Variants in RICTOR observed in about 807,000 individuals in gnomAD.
RICTOR encodes RPTOR independent companion of MTOR complex 2, also known as rapamycin-insensitive companion of mTOR.
Under a neutral mutation model 214.9 loss-of-function variants are expected in RICTOR, and 49 were observed. The observed-to-expected ratio is 0.23, with a 90% CI of 0.18 to 0.29. The LOEUF (loss-of-function observed/expected upper bound fraction) is 0.29, where lower values mean the gene tolerates loss of function less well. RICTOR is among the 10% of genes least tolerant of loss of function. The pLI is 1.00. For missense variants in RICTOR, 1,625 were observed against 2,047.0 expected (o/e 0.79, Z 3.98); for synonymous variants, 717 against 711.3 (o/e 1.01, Z -0.13).
chr5:38,958,402 C>T (rs2150013824), intron 24 of RICTOR, 41 bp downstream of exon 24: 1 of 1,326,208 alleles, frequency 7.5e-7, no homozygotes, highest in Middle Eastern at 1.8e-4. Flanking sequence ...TGCCAAAGAA[C>T]ACAACAAAAA....
chr5:38,938,248 G>A lies in RICTOR; in HGVS notation c.*4056C>T, dbSNP rs1223583525. 1 of 226,386 alleles carries A rather than the reference G, an allele frequency of 4.4e-6. No homozygotes were observed. Among genetic ancestry groups the A allele is most frequent in the Non-Finnish European group, 8.8e-6 (1 of 113,688 alleles). 14.0% of individuals were successfully genotyped at this position (226,386 alleles called of 1,614,324 possible). On this transcript the variant is annotated 3_prime_UTR_variant, in exon 38 of 38. Transcript: ENST00000357387. ...TAGCAGCGTATTACTAAATAAAAAAGAAGAAACTCATGTGGTTAGAGAGCA... is the reference window on the plus strand; with the variant it reads ...TAGCAGCGTATTACTAAATAAAAAAAAAGAAACTCATGTGGTTAGAGAGCA...
At chr5:38,990,830 TATGAG>T (rs1644117697) in intron 7 of RICTOR, 114 bp downstream of exon 7, 2 of 145,446 alleles carry the variant, frequency 1.4e-5, no homozygotes, top group African/African-American at 2.4e-4. Context: ...ATATATGATA[TATGAG>T]ATATATGAGA....
intron 24 of RICTOR, 136 bp downstream of exon 24, chr5:38,958,307 T>A: frequency 3.2e-6 from 2 of 628,600 alleles, no homozygotes; most frequent in South Asian, 2.2e-5. Context: ...AAACCCAAAA[T>A]AATGAAAAGA....
Position 38,950,047 on chromosome 5 carries a change from G to A in RICTOR, c.3801C>T (p.Ser1267=), listed in dbSNP as rs2112850471. 6.2e-7 allele frequency: 1 copy of A among 1,613,112 alleles called. No individual in the cohort carries two copies. The highest frequency in any genetic ancestry group is 8.5e-7 in the Non-Finnish European group (1 of 1,179,500). ...TVVSTKTIKT[S]HYLTPQSNHL... Reference sequence around the variant, plus strand: ...GGTTAGACTGTGGCGTCAAATAGTGGCTTGTCTTAATAGTTTTAGTACTTA... The same window carrying A: ...GGTTAGACTGTGGCGTCAAATAGTGACTTGTCTTAATAGTTTTAGTACTTA... The change falls in exon 31 of 38, where the codon AGC becomes AGT. Residue 1267 remains serine (S), a synonymous_variant. Transcript: ENST00000357387.
intron 37 of RICTOR, 97 bp downstream of exon 37, chr5:38,942,736 A>ATG: frequency 1.0e-6 from 1 of 980,162 alleles, no homozygotes; most frequent in Non-Finnish European, 1.6e-6. Flanking sequence ...GATTGTAGGC[A>ATG]TGAGTCACCA....
chr5:38,946,444 C>A, intron 33 of RICTOR, 24 bp downstream of exon 33: 1 of 1,467,374 alleles, frequency 6.8e-7, no homozygotes, highest in Non-Finnish European at 9.5e-7. Context: ...AGGCATCTCA[C>A]AAGTACAATG....
At chr5:39,012,345 T>A (rs939041208) in intron 3 of RICTOR, among the ~76,000 whole-genome samples, 1 of 152,194 alleles carries the variant, frequency 6.6e-6, no homozygotes, top group African/African-American at 2.4e-5. Flanking sequence ...TCCACCATGA[T>A]TGTAAGTTTC....
At chr5:39,047,491 C>T (rs1757574731) in intron 2 of RICTOR, among the ~76,000 whole-genome samples, 1 of 152,198 alleles carries the variant, frequency 6.6e-6, no homozygotes, top group Admixed American at 6.5e-5. Flanking sequence ...GGTACCGGTG[C>T]ACAGCCAGGG....
At chr5:39,041,371 TA>T (rs1757155228) in intron 2 of RICTOR, among the ~76,000 whole-genome samples, 2 of 152,288 alleles carry the variant, frequency 1.3e-5, no homozygotes, top group Non-Finnish European at 1.5e-5. Context: ...CTTTCTAAGA[TA>T]AGTTAACTTA....
intron 6 of RICTOR, among the ~76,000 whole-genome samples, chr5:38,995,487 G>A (rs1440392786): frequency 1.3e-5 from 2 of 150,582 alleles, no homozygotes; most frequent in African/African-American, 2.4e-5. Flanking sequence ...GGGTGACAGG[G>A]GCACAAAAAT....
rs1405299979 is a variant in RICTOR, at chr5:38,950,242, C to T, written c.3606G>A (p.Arg1202=). 7 of 1,613,408 alleles carry T rather than the reference C, an allele frequency of 4.3e-6. No homozygotes were observed. In the Admixed American group the frequency reaches 8.3e-5, roughly 19 times the overall value. The change falls in exon 31 of 38, where the codon AGG becomes AGA. Residue 1202 remains arginine (R), a synonymous_variant. Transcript: ENST00000357387. The stretch of plus-strand genomic sequence containing the variant: ...AGCTCGTTGAACTTTCTACTACTAA[C>T]CTCTCTCGGCTTGTATTTTCTCTGT... ...ENHRENTSRE[R]LVVESSTSSH... is the part of the protein sequence containing the mutation.
chr5:39,011,437 C>A (rs1754512070), intron 3 of RICTOR, among the ~76,000 whole-genome samples: 1 of 152,192 alleles, frequency 6.6e-6, no homozygotes, highest in African/African-American at 2.4e-5. Context: ...CACACAAAGT[C>A]CCCACTGGGT....
intron 7 of RICTOR, among the ~76,000 whole-genome samples, chr5:38,985,810 T>C (rs1171547113): frequency 6.6e-6 from 1 of 151,964 alleles, no homozygotes; most frequent in East Asian, 1.9e-4. Context: ...ATTCTCCTGC[T>C]TCAGCCTCCC....
chr5:38,968,914 T>C (rs1750467138), intron 11 of RICTOR, among the ~76,000 whole-genome samples: 1 of 151,108 alleles, frequency 6.6e-6, no homozygotes. Flanking sequence ...GTGATACTGA[T>C]GATCCTAACC....
chr5:38,977,752 T>C (rs930625765), intron 9 of RICTOR, among the ~76,000 whole-genome samples: 6 of 151,720 alleles, frequency 4.0e-5, no homozygotes, highest in African/African-American at 7.3e-5. Flanking sequence ...CCCAGCTAAT[T>C]TTTTTTGTAT....
At chr5:39,037,612 G>A (rs898880753) in intron 2 of RICTOR, among the ~76,000 whole-genome samples, 15 of 151,918 alleles carry the variant, frequency 9.9e-5, no homozygotes, top group Non-Finnish European at 1.8e-4. Context: ...TCAAATAGAC[G>A]CAATAAAAAA....
intron 3 of RICTOR, among the ~76,000 whole-genome samples, chr5:39,005,359 T>C (rs1394848660): frequency 6.6e-6 from 1 of 151,974 alleles, no homozygotes; most frequent in Non-Finnish European, 1.5e-5. Context: ...TTTTTTTTTT[T>C]CCATTTTATC....
Position 39,074,379 on chromosome 5 carries a change from T to C in RICTOR, c.-2A>G. 2 of 1,539,454 alleles carry C rather than the reference T, an allele frequency of 1.3e-6. No homozygotes were observed. The highest frequency in any genetic ancestry group is 8.8e-7 in the Non-Finnish European group (1 of 1,142,074). On this transcript the variant is annotated 5_prime_UTR_variant, in exon 1 of 38. Transcript: ENST00000357387. ...GCGGCCGCGGCCGATCGCCGCCATATTGACGGGTTTCAGTCACAACACCGG... is the reference window on the plus strand; with the variant it reads ...GCGGCCGCGGCCGATCGCCGCCATACTGACGGGTTTCAGTCACAACACCGG...
At chr5:39,012,028 C>T (rs1418905420) in intron 3 of RICTOR, among the ~76,000 whole-genome samples, 2 of 152,132 alleles carry the variant, frequency 1.3e-5, no homozygotes, top group East Asian at 3.9e-4. Flanking sequence ...TAAGGTTTGG[C>T]TCTGTGTTCC....
Sources: allele counts gnomAD v4.1 joint callset (sites outside exome capture counted in the v4.1 genomes callset), GRCh38; gene constraint gnomAD v4.1.1; transcripts MANE v1.5; gene names NCBI Gene and HGNC (gene_info 2026-07-23, HGNC 2026-07-21).